FLNC: variants seen among roughly 807,000 people sequenced by gnomAD.
The protein encoded by FLNC is filamin-C.
A neutral mutation model predicts 254.3 loss-of-function variants in FLNC; 91 were observed. The observed-to-expected ratio is 0.36, with a 90% CI of 0.30 to 0.43. FLNC has a LOEUF of 0.43. FLNC is among the 20% of genes least tolerant of loss of function. FLNC has a pLI of 1.00. For missense variants in FLNC, 2,853 were observed against 3,802.6 expected, an observed-to-expected ratio of 0.75 and a Z score of 6.57; for synonymous variants, 1,430 against 1,577.2, an observed-to-expected ratio of 0.91 and a Z score of 2.21.
At position 128,856,494 on chromosome 7, in the gene FLNC, G is replaced by C. The variant is rs369861418; in HGVS notation, c.7252-24G>C. The C allele has an allele frequency of 3.1e-6, 5 of 1,609,478 alleles. No homozygotes were observed. The highest frequency in any genetic ancestry group is 4.2e-6 in the Non-Finnish European group (5 of 1,180,004). On this transcript the variant is annotated intron_variant, in intron 43 of 47. Coordinates refer to ENST00000325888, the MANE Select transcript of FLNC (RefSeq NM_001458.5). The surrounding 1 kb of genome is among the most constrained non-coding windows in gnomAD (Gnocchi z 5.9). ...TCCAGCCCCGGCCTCCCAGGAGTCT[G>C]AGCATCCTCCGTGGCCTTTGCAGGA...
chr7:128,845,163 A>G lies in FLNC; in HGVS notation c.3698A>G (p.His1233Arg). 1 of 1,613,920 alleles carries G rather than the reference A, an allele frequency of 6.2e-7. No individual in the cohort carries two copies. Among genetic ancestry groups the G allele is most frequent in the East Asian group, 2.2e-5 (1 of 44,884 alleles). Residue 1233 changes from histidine to arginine, a missense_variant, in exon 21 of 48, where the codon CAT becomes CGT. His to Arg is a conservative substitution (Grantham distance 29). Around this residue, in one of 10 missense-constraint regions of FLNC, gnomAD observed 1,573 missense variants for 1,883.5 expected, o/e 0.84. Coordinates refer to ENST00000325888, the MANE Select transcript of FLNC (RefSeq NM_001458.5). Reference protein sequence around the residue: ...TYTITIKYGGHPVPKFPTRVH... With the variant: ...TYTITIKYGGRPVPKFPTRVH... ...ACCATTACCATCAAGTATGGCGGGCATCCCGTGCCCAAATTCCCCACCCGT... is the reference window on the plus strand; with the variant it reads ...ACCATTACCATCAAGTATGGCGGGCGTCCCGTGCCCAAATTCCCCACCCGT...
Position 128,841,145 on chromosome 7 carries a change from C to A in FLNC, c.1814-25C>A. ...AAGGGTCTTGCCTGATGCTGGATCC[C>A]CGACCCTCCCCCACCTTGCCCCAGG... On this transcript the variant is annotated intron_variant, in intron 11 of 47. Coordinates refer to ENST00000325888, the MANE Select transcript of FLNC (RefSeq NM_001458.5). This position sits in a 1 kb window ranked among gnomAD's most constrained non-coding sequence, Gnocchi z 4.3. The A allele has an allele frequency of 6.2e-7, 1 of 1,611,588 alleles. No individual in the cohort carries two copies. The highest frequency in any genetic ancestry group is 1.1e-5 in the South Asian group (1 of 90,858).
At position 128,848,036 on chromosome 7, in the gene FLNC, C is replaced by T. The variant is rs376441465; in HGVS notation, c.4548C>T (p.Ala1516=). The stretch of plus-strand genomic sequence containing the variant: ...CCACTGACGGGCCCTACACGGTAGC[C>T]GTCAAGTATGCTGACCAGGAGGTGC... ...TPATDGPYTV[A]VKYADQEVPR... The change falls in exon 26 of 48, where the codon GCC becomes GCT. Residue 1516 remains alanine (A), a synonymous_variant. Coordinates refer to ENST00000325888, the MANE Select transcript of FLNC (RefSeq NM_001458.5). 10 of 1,606,766 alleles carry T rather than the reference C, an allele frequency of 6.2e-6. No individual in the cohort carries two copies. Among genetic ancestry groups the T allele is most frequent in the Middle Eastern group, 1.7e-4 (1 of 6,052 alleles).
Position 128,858,599 on chromosome 7 carries a change from AAATGTGC to A in FLNC, c.*77_*83del. 40 of 1,052,128 alleles carry A rather than the reference AAATGTGC, an allele frequency of 3.8e-5. No individual in the cohort carries two copies. Among genetic ancestry groups the A allele is most frequent in the Non-Finnish European group, 5.5e-5 (38 of 686,394 alleles). The allele number at this position is 1,052,128 out of a possible 1,614,324, so 65.2% of individuals were successfully genotyped here. ...ATTACACACACACACACACACACAC[AAATGTGC>A]CACACCCAGACACGCACAGAATCAG... On this transcript the variant is annotated 3_prime_UTR_variant, in exon 48 of 48. Coordinates refer to ENST00000325888, the MANE Select transcript of FLNC (RefSeq NM_001458.5). The surrounding 1 kb of genome is among the most constrained non-coding windows in gnomAD (Gnocchi z 6.7).
chr7:128,837,265 C>G lies in FLNC; in HGVS notation c.699+8C>G. On this transcript the variant is annotated splice_region_variant and intron_variant, in intron 3 of 47. Coordinates refer to ENST00000325888, the MANE Select transcript of FLNC (RefSeq NM_001458.5). ...TGGCTTGGGGTGCCCCAGGTACATG[C>G]GCAGATGGGGCAGGGGGGAAAGGGG... 6.4e-7 allele frequency: 1 copy of G among 1,558,596 alleles called. No homozygotes were observed. Among genetic ancestry groups the G allele is most frequent in the Non-Finnish European group, 8.7e-7 (1 of 1,149,780 alleles).
intron 33 of FLNC, 100 bp from the exon 34 acceptor site, chr7:128,851,132 G>A (rs1426428791): frequency 2.4e-5 from 38 of 1,589,152 alleles, no homozygotes; most frequent in Non-Finnish European, 2.9e-5. Flanking sequence ...CGGCACAGAC[G>A]GAGGGGGTTG....
chr7:128,845,877 AAGAGGAGG>A (rs1808540971), intron 21 of FLNC, 105 bp from the exon 22 acceptor site: 2 of 732,828 alleles, frequency 2.7e-6, no homozygotes, highest in African/African-American at 5.9e-5. Flanking sequence ...AGAGGAGGGG[AAGAGGAGG>A]GGAAGAGGAG....
intron 40 of FLNC, 65 bp downstream of exon 40, chr7:128,854,281 C>T: frequency 1.2e-6 from 2 of 1,605,908 alleles, no homozygotes; most frequent in Non-Finnish European, 1.7e-6. Context: ...GCGGACCAGG[C>T]TTGATGCTGG....
Position 128,849,589 on chromosome 7 carries a change from T to G in FLNC, c.5199+11T>G, listed in dbSNP as rs1191813116. On this transcript the variant is annotated intron_variant, in intron 30 of 47. Transcript: ENST00000325888. ...CCCTTCCACGTGCTGGTAAGTTCTG[T>G]AGCCACAGCAAGACTAGATGGCTGG... 2 of 1,613,192 alleles carry G rather than the reference T, an allele frequency of 1.2e-6. No individual in the cohort carries two copies. Among genetic ancestry groups the G allele is most frequent in the Admixed American group, 1.7e-5 (1 of 59,998 alleles).
In FLNC at chr7:128,842,847, G is replaced by A. The variant is rs1187847300; in HGVS notation, c.2443G>A (p.Ala815Thr). ...CAPGVVGPAE[A>T]DIDFDIIKND... ...CCCAGGCGTGGTGGGCCCTGCAGAGGCTGACATTGACTTCGACATCATCAA... is the reference window on the plus strand; with the variant it reads ...CCCAGGCGTGGTGGGCCCTGCAGAGACTGACATTGACTTCGACATCATCAA... The change falls in exon 16 of 48, where the codon GCT becomes ACT. Residue 815 changes from alanine (A) to threonine (T), a missense_variant. Transcript: ENST00000325888. The surrounding 1 kb of genome is among the most constrained non-coding windows in gnomAD (Gnocchi z 5.4). 6.2e-7 allele frequency: 1 copy of A among 1,613,982 alleles called. No homozygotes were observed. The highest frequency in any genetic ancestry group is 2.2e-5 in the East Asian group (1 of 44,874).
rs377489161 is a variant in FLNC at position 128,844,953 on chromosome 7, C to A, written c.3488C>A (p.Pro1163Gln). 7.4e-6 allele frequency: 12 copies of A among 1,613,868 alleles called. No individual in the cohort carries two copies. Among genetic ancestry groups the A allele is most frequent in the Non-Finnish European group, 9.3e-6 (11 of 1,180,038 alleles). The change falls in exon 21 of 48, where the codon CCG becomes CAG. Residue 1163 changes from proline to glutamine, a missense_variant. Coordinates refer to ENST00000325888, the MANE Select transcript of FLNC (RefSeq NM_001458.5). ...CCGAGCAAGGTGCGGGCCAGTGGAC[C>A]GGGCCTGGAGCGCGGCAAGGTCGGT... The part of the protein sequence containing the change: ...FDPSKVRASG[P>Q]GLERGKVGEA...
rs1390511918 is a variant in FLNC, at chr7:128,830,888, G to T, written c.251G>T (p.Arg84Leu). ...LEVLSQKRMYRKFHPRPNFRQ... is the reference protein window; with the variant it reads ...LEVLSQKRMYLKFHPRPNFRQ... ...GTGCTCAGCCAGAAGCGCATGTACC[G>T]CAAGTTCCATCCGCGCCCCAACTTC... The change falls in exon 1 of 48, where the codon CGC (arginine) becomes CTC (leucine). Residue 84 changes from arginine (R) to leucine (L), a missense_variant. Physicochemically the swap from Arg to Leu is moderately radical, Grantham distance 102. Around this residue, in one of 10 missense-constraint regions of FLNC, gnomAD observed 59 missense variants for 59.8 expected, o/e 0.99. Transcript: ENST00000325888. 6.2e-7 allele frequency: 1 copy of T among 1,613,188 alleles called. No individual in the cohort carries two copies. Among genetic ancestry groups the T allele is most frequent in the South Asian group, 1.1e-5 (1 of 91,088 alleles).
In FLNC at chr7:128,854,988, G is replaced by A; in HGVS notation, c.7135+76G>A. 7.2e-6 allele frequency: 11 copies of A among 1,526,192 alleles called. No individual in the cohort carries two copies. In the South Asian group the frequency reaches 1.2e-4, roughly 17 times the overall value. 94.5% of individuals were successfully genotyped at this position (1,526,192 alleles called of 1,614,324 possible). A position where few individuals can be genotyped will look rare whatever the true frequency, so the allele number is the denominator to read the frequency against. On this transcript the variant is annotated intron_variant, in intron 42 of 47. Coordinates refer to ENST00000325888, the MANE Select transcript of FLNC (RefSeq NM_001458.5). ...GGGTTTCTGCCCACTGGCCAGGCAG[G>A]AGATGCTTGGGGCCACAGAACTCCC...
chr7:128,857,160 C>G lies in FLNC; in HGVS notation c.7604C>G (p.Ser2535Trp), dbSNP rs201895675. ...EFIVNTLNAGSGALSVTIDGP... is the reference protein window; with the variant it reads ...EFIVNTLNAGWGALSVTIDGP... ...ATCGTGAACACCCTGAATGCCGGCT[C>G]GGGGGCCTTGTCTGTCACCATTGAT... The change falls in exon 46 of 48, where the codon TCG becomes TGG. Residue 2535 changes from serine to tryptophan, a missense_variant. By Grantham distance (177) the Ser-to-Trp change is radical. This residue lies in a region of FLNC where 197 missense variants were observed against 351.5 expected (regional missense o/e 0.56). Coordinates refer to ENST00000325888, the MANE Select transcript of FLNC (RefSeq NM_001458.5). The surrounding 1 kb of genome is among the most constrained non-coding windows in gnomAD (Gnocchi z 4.5). 1.9e-6 allele frequency: 3 copies of G among 1,614,128 alleles called. No homozygotes were observed. Among genetic ancestry groups the G allele is most frequent in the East Asian group, 4.5e-5 (2 of 44,886 alleles).
intron 37 of FLNC, 162 bp downstream of exon 37, chr7:128,853,193 T>C (rs1808898168): frequency 3.9e-6 from 3 of 761,456 alleles, no homozygotes; most frequent in East Asian, 2.7e-5. Context: ...GGAAAGTGAA[T>C]GGCCCCGCAT....
chr7:128,847,674 G>T (rs763459394), intron 24 of FLNC, 23 bp from the exon 25 acceptor site: 40 of 1,613,708 alleles, frequency 2.5e-5, no homozygotes, highest in Admixed American at 1.8e-4. Flanking sequence ...GGTGGGCAGG[G>T]TCTAATGTCC....
At position 128,846,414 on chromosome 7, in the gene FLNC, C is replaced by T. The variant is rs1330651064; in HGVS notation, c.4078C>T (p.Leu1360=). The change falls in exon 23 of 48, where the codon CTG becomes TTG. Residue 1360 remains leucine, a synonymous_variant. Coordinates refer to ENST00000325888, the MANE Select transcript of FLNC (RefSeq NM_001458.5). ...CCGCGTCCGAGCCTTCGGGCCAGGCCTGGAGGGTGGCTTGGTCAACAAGGC... is the reference window on the plus strand; with the variant it reads ...CCGCGTCCGAGCCTTCGGGCCAGGCTTGGAGGGTGGCTTGGTCAACAAGGC... ...PTRVRAFGPG[L]EGGLVNKANR... The T allele has an allele frequency of 6.2e-7, 1 of 1,607,572 alleles. No homozygotes were observed. The highest frequency in any genetic ancestry group is 8.5e-7 in the Non-Finnish European group (1 of 1,179,980).
In FLNC at chr7:128,838,696, C is replaced by T. The variant is rs199935488; in HGVS notation, c.1304C>T (p.Thr435Met). ...GCCCTGGAGGACAAGGGTGACAGCA[C>T]GTTCCGCTGCACATACAGACCTGCC... is the stretch of plus-strand genomic sequence containing the variant. ...EVALEDKGDSTFRCTYRPAME... is the reference protein window; with the variant it reads ...EVALEDKGDSMFRCTYRPAME... The change falls in exon 8 of 48, where the codon ACG (threonine) becomes ATG (methionine). Residue 435 changes from threonine (T) to methionine (M), a missense_variant. By Grantham distance (81) the Thr-to-Met change is moderately conservative. Transcript: ENST00000325888. 43 of 1,613,038 alleles carry T rather than the reference C, an allele frequency of 2.7e-5. No individual in the cohort carries two copies. Among genetic ancestry groups the T allele is most frequent in the Admixed American group, 2.0e-4 (12 of 60,034 alleles).
In FLNC at chr7:128,842,130, A is replaced by T; in HGVS notation, c.2122-101A>T. ...TGGCTGGTGTGGGGGCGGGAGTGCC[A>T]GTGTTGGGGGTGGGAAAGGAGGCGC... is the stretch of plus-strand genomic sequence containing the variant. On this transcript the variant is annotated intron_variant, in intron 13 of 47. Transcript: ENST00000325888. The surrounding 1 kb of genome is among the most constrained non-coding windows in gnomAD (Gnocchi z 5.4). 1 of 1,222,520 alleles carries T rather than the reference A, an allele frequency of 8.2e-7. No individual in the cohort carries two copies. The highest frequency in any genetic ancestry group is 1.2e-6 in the Non-Finnish European group (1 of 857,892). 75.7% of individuals were successfully genotyped at this position (1,222,520 alleles called of 1,614,324 possible). A position where few individuals can be genotyped will look rare whatever the true frequency, so the allele number is the denominator to read the frequency against.
Sources: gnomAD v4.1 joint callset for allele counts on GRCh38, gnomAD v4.1.1 for gene constraint, gnomAD v4.1.1 regional missense constraint, Gnocchi (gnomAD v3.1) non-coding constraint, MANE v1.5 for transcripts, NCBI Gene and HGNC (gene_info 2026-07-23, HGNC 2026-07-21) for gene names.